IL1RAPL2: variants seen among roughly 807,000 people sequenced by gnomAD.
The protein encoded by IL1RAPL2 is interleukin 1 receptor accessory protein like 2, also known as X-linked interleukin-1 receptor accessory protein-like 2.
Under a neutral mutation model 44.1 loss-of-function variants are expected in IL1RAPL2, and 3 were observed. That is an observed-to-expected ratio of 0.07 (90% CI 0.03 to 0.18). The LOEUF (loss-of-function observed/expected upper bound fraction) is 0.18. IL1RAPL2 is among the 10% of genes least tolerant of loss of function. The probability of loss-of-function intolerance (pLI) is 1.00; values close to 1 mark genes in which losing one functional copy is unlikely to be tolerated. For missense variants in IL1RAPL2, 391 were observed against 496.4 expected (o/e 0.79, Z 2.02); for synonymous variants, 181 against 178.8 (o/e 1.01, Z -0.10).
At chrX:104,961,933 C>T (rs781077757) in intron 2 of IL1RAPL2, among the ~76,000 whole-genome samples, 3 of 112,309 alleles carry the variant, frequency 2.7e-5, no homozygotes, top group Non-Finnish European at 3.8e-5. Context: ...GGAAAATAGA[C>T]ACCACTGGCC....
At chrX:105,689,633 G>C (rs1324732667) in intron 6 of IL1RAPL2, among the ~76,000 whole-genome samples, 3 of 112,145 alleles carry the variant, frequency 2.7e-5, no homozygotes, top group Non-Finnish European at 5.6e-5. Context: ...GTGTAAACTA[G>C]TTCAACCATT....
Position 105,319,031 on chromosome X carries a change from G to A in IL1RAPL2, c.697+51490G>A, listed in dbSNP as rs2034876541. Among the ~76,000 whole-genome samples the A allele has an allele frequency of 5.4e-5, 6 of 112,091 alleles. No homozygotes were observed. The South Asian group carries it at 2.2e-3, about 42-fold the overall frequency. ...GGGCCTGTGTTTCTTTCAATGTTCT[G>A]CTAGTTCTAGCAGCTTCAGCTGTTG... On this transcript the variant is annotated intron_variant, in intron 5 of 10. Coordinates refer to ENST00000372582, the MANE Select transcript of IL1RAPL2 (RefSeq NM_017416.2).
intron 2 of IL1RAPL2, among the ~76,000 whole-genome samples, chrX:105,097,435 A>G (rs758059919): frequency 8.2e-5 from 9 of 110,237 alleles, no homozygotes; most frequent in Non-Finnish European, 1.5e-4. Flanking sequence ...TCTTTACAAC[A>G]GAAATTAGCA....
At chrX:105,729,935 GGGAAGGAA>G (rs1178876814) in intron 7 of IL1RAPL2, among the ~76,000 whole-genome samples, 1 of 85,766 alleles carries the variant, frequency 1.2e-5, no homozygotes, top group Non-Finnish European at 2.3e-5. Context: ...GAGGGAGGGA[GGGAAGGAA>G]GGAAGGAAGG....
chrX:105,199,682 G>A (rs1036622102), intron 3 of IL1RAPL2, among the ~76,000 whole-genome samples: 7 of 111,346 alleles, frequency 6.3e-5, no homozygotes, highest in Non-Finnish European at 1.3e-4. Flanking sequence ...ATGAGTCAGA[G>A]GTTCTCAACT....
At chrX:105,384,094 C>T (rs2035458442) in intron 5 of IL1RAPL2, among the ~76,000 whole-genome samples, 1 of 111,143 alleles carries the variant, frequency 9.0e-6, no homozygotes, top group African/African-American at 3.3e-5. Context: ...TTTTGCTGTG[C>T]AGAAGCTTCT....
chrX:104,948,009 G>A (rs1283878322), intron 2 of IL1RAPL2, among the ~76,000 whole-genome samples: 1 of 111,170 alleles, frequency 9.0e-6, no homozygotes, highest in Non-Finnish European at 1.9e-5. Flanking sequence ...ACCTTGGGCA[G>A]TATGGCAATT....
At chrX:105,239,449 G>A (rs1484904202) in intron 4 of IL1RAPL2, among the ~76,000 whole-genome samples, 2 of 111,392 alleles carry the variant, frequency 1.8e-5, no homozygotes, top group African/African-American at 6.6e-5. Flanking sequence ...CCATGATGTA[G>A]ATTAAAAGGA....
intron 2 of IL1RAPL2, among the ~76,000 whole-genome samples, chrX:105,009,724 A>G (rs1475104001): frequency 9.1e-6 from 1 of 110,213 alleles, no homozygotes; most frequent in Non-Finnish European, 1.9e-5. Context: ...CATTGTGCAC[A>G]TGTACCCTAA....
intron 2 of IL1RAPL2, among the ~76,000 whole-genome samples, chrX:104,939,817 A>G (rs937199805): frequency 1.8e-5 from 2 of 111,811 alleles, no homozygotes; most frequent in African/African-American, 6.5e-5. Flanking sequence ...CCTTAAAAAC[A>G]TGTTAAGTAA....
At chrX:105,348,977 G>A (rs1452776877) in intron 5 of IL1RAPL2, among the ~76,000 whole-genome samples, 1 of 111,915 alleles carries the variant, frequency 8.9e-6, no homozygotes, top group Non-Finnish European at 1.9e-5. Context: ...GACTGTGAGG[G>A]TCAATTTCTG....
intron 3 of IL1RAPL2, among the ~76,000 whole-genome samples, chrX:105,232,704 GTAGT>G (rs1398707199): frequency 2.7e-5 from 3 of 112,064 alleles, no homozygotes; most frequent in South Asian, 3.7e-4. Context: ...TATATTTATT[GTAGT>G]TAGTTAGATT....
chrX:105,368,113 G>A (rs754289511), intron 5 of IL1RAPL2, among the ~76,000 whole-genome samples: 11 of 110,806 alleles, frequency 9.9e-5, no homozygotes, highest in Admixed American at 5.8e-4. Context: ...TTTTTGGGTC[G>A]TGGGGACACA....
intron 2 of IL1RAPL2, among the ~76,000 whole-genome samples, chrX:104,895,490 G>A (rs762420294): frequency 3.1e-4 from 35 of 112,517 alleles, no homozygotes; most frequent in South Asian, 1.5e-3. Context: ...AATGGCGGGC[G>A]CCACTCTCCC....
chrX:104,602,393 G>T (rs1275287626), intron 1 of IL1RAPL2, among the ~76,000 whole-genome samples: 1 of 111,548 alleles, frequency 9.0e-6, no homozygotes, highest in Non-Finnish European at 1.9e-5. Flanking sequence ...CACAAAACTG[G>T]TTGACCATTT....
At chrX:105,108,868 A>G (rs2032773157) in intron 2 of IL1RAPL2, among the ~76,000 whole-genome samples, 1 of 111,607 alleles carries the variant, frequency 9.0e-6, no homozygotes, top group Non-Finnish European at 1.9e-5. Flanking sequence ...ATAGGTCCCC[A>G]TTATCCTTAG....
rs71816209 is a variant in IL1RAPL2, at chrX:105,108,494, A to ATTTTT, written c.83-86966_83-86962dup. ...TACAGGCCTGTGCTACCATGCCCGGATTTTTTTTTTTTTTTTTTTGTATTT... is the reference window on the plus strand; with the variant it reads ...TACAGGCCTGTGCTACCATGCCCGGATTTTTTTTTTTTTTTTTTTTTTTTGTATTT... On this transcript the variant is annotated intron_variant, in intron 2 of 10. Coordinates refer to ENST00000372582, the MANE Select transcript of IL1RAPL2 (RefSeq NM_017416.2). Among the ~76,000 whole-genome samples, 386 of 73,585 alleles carry ATTTTT rather than the reference A, an allele frequency of 5.2e-3. 8 individuals are homozygous for ATTTTT. The highest frequency in any genetic ancestry group is 0.019 in the African/African-American group (355 of 18,332). The allele number at this position is 73,585 out of a possible 115,157, so 63.9% of individuals were successfully genotyped here.
intron 2 of IL1RAPL2, among the ~76,000 whole-genome samples, chrX:104,745,884 A>G (rs2147580727): frequency 9.0e-6 from 1 of 111,510 alleles, no homozygotes; most frequent in African/African-American, 3.2e-5. Context: ...CTCAAGGACA[A>G]CTAGAATGAT....
At chrX:104,718,118 C>G (rs1931611365) in intron 2 of IL1RAPL2, among the ~76,000 whole-genome samples, 1 of 110,466 alleles carries the variant, frequency 9.1e-6, no homozygotes, top group South Asian at 3.9e-4. Flanking sequence ...GGGTATATAC[C>G]CAATAATGGG....
Sources: gnomAD v4.1 joint callset for allele counts (sites outside exome capture counted in the v4.1 genomes callset) on GRCh38, gnomAD v4.1.1 for gene constraint, MANE v1.5 for transcripts, NCBI Gene and HGNC (gene_info 2026-07-23, HGNC 2026-07-21) for gene names.